Variants in CCDC171 observed in about 807,000 individuals in gnomAD.
The protein encoded by CCDC171 is coiled-coil domain containing 171.
CCDC171 carries 177 observed loss-of-function variants against 168.2 expected under a neutral mutation model. The observed-to-expected ratio is 1.05, with a 90% confidence interval of 0.93 to 1.19. CCDC171 has a LOEUF of 1.19. Among genes scored for constraint, CCDC171 ranks in the 50% most tolerant of loss-of-function variants. The pLI is 0.00. For synonymous variants in CCDC171, 687 were observed against 540.8 expected, an observed-to-expected ratio of 1.27 and a Z score of -3.75; for missense variants, 1,991 against 1,539.0, an observed-to-expected ratio of 1.29 and a Z score of -4.91.
intron 11 of CCDC171, among the ~76,000 whole-genome samples, chr9:15,713,331 A>G (rs1380358408): frequency 1.4e-5 from 2 of 142,400 alleles, no homozygotes; most frequent in Non-Finnish European, 3.1e-5. Context: ...TTTTTTTTCT[A>G]TTTGTGAGCT....
intron 1 of CCDC171, among the ~76,000 whole-genome samples, chr9:16,052,870 T>G (rs1305968361): frequency 1.3e-5 from 2 of 152,028 alleles, no homozygotes; most frequent in Middle Eastern, 6.8e-3. Flanking sequence ...CCCCTTTTCT[T>G]TTCAAACGGA....
At position 15,724,951 on chromosome 9, in the gene CCDC171, C is replaced by T. The variant is rs569441532; in HGVS notation, c.1667C>T (p.Ser556Phe). ...AQSESELQKL[S>F]QAFHKDAEEK... is the part of the protein sequence containing the mutation. The stretch of plus-strand genomic sequence containing the variant: ...TCTGAAAGTGAACTGCAGAAGCTTT[C>T]CCAGGCTTTCCATAAGGATGCAGAG... The change falls in exon 14 of 26, where the codon TCC (serine) becomes TTC (phenylalanine). Residue 556 changes from serine (S) to phenylalanine (F), a missense_variant. By Grantham distance (155) the Ser-to-Phe change is radical. Transcript: ENST00000380701. 67 of 1,613,856 alleles carry T rather than the reference C, an allele frequency of 4.2e-5. No individual in the cohort carries two copies. In the East Asian group the frequency reaches 1.2e-3, roughly 30 times the overall value.
downstream of CCDC171, among the ~76,000 whole-genome samples, chr9:16,063,460 C>T (rs937997924): frequency 3.9e-5 from 6 of 152,130 alleles, no homozygotes; most frequent in Non-Finnish European, 7.4e-5. Flanking sequence ...AGGAATTATG[C>T]AATTCACTGT....
intron 18 of CCDC171, among the ~76,000 whole-genome samples, chr9:15,766,810 C>T (rs1457682673): frequency 1.3e-5 from 2 of 152,036 alleles, no homozygotes; most frequent in African/African-American, 4.8e-5. Context: ...TGTGTGCTAC[C>T]ACACTCAGCT....
In CCDC171 at chr9:15,821,503, ATCAATG is replaced by A. The variant is rs1313510496; in HGVS notation, c.3268-25197_3268-25192del. ...CTTCAGCAAAGTCTCAGGATACAAA[ATCAATG>A]TGCAAAAGTCACAAGCATTCTTATA... On this transcript the variant is annotated intron_variant, in intron 21 of 25. Coordinates refer to ENST00000380701, the MANE Select transcript of CCDC171 (RefSeq NM_173550.4). 2.5e-5 allele frequency among the ~76,000 whole-genome samples: 3 copies of A among 117,878 alleles called. 1 individual carries two copies. Among genetic ancestry groups the A allele is most frequent in the Admixed American group, 8.0e-5 (1 of 12,456 alleles). The allele number at this position is 117,878 out of a possible 152,430, so 77.3% of individuals were successfully genotyped here.
the CCDC171 span, among the ~76,000 whole-genome samples, chr9:16,083,190 T>A: frequency 6.6e-6 from 1 of 152,196 alleles, no homozygotes; most frequent in African/African-American, 2.4e-5. Context: ...ATGTTGAGAA[T>A]GTTCCTATTT....
At chr9:15,867,655 G>A (rs1427008422) in intron 23 of CCDC171, among the ~76,000 whole-genome samples, 1 of 152,042 alleles carries the variant, frequency 6.6e-6, no homozygotes, top group Non-Finnish European at 1.5e-5. Context: ...CAGCTCAAGA[G>A]GGATTTTAAA....
intron 21 of CCDC171, 138 bp from the exon 22 acceptor site, chr9:15,846,564 A>G (rs2130741653): frequency 1.3e-6 from 1 of 754,852 alleles, no homozygotes; most frequent in East Asian, 2.7e-5. Flanking sequence ...TTTGCAGAAA[A>G]TTTGTTAAAC....
intron 6 of CCDC171, among the ~76,000 whole-genome samples, chr9:15,610,054 G>A (rs1188429635): frequency 6.6e-6 from 1 of 150,990 alleles, no homozygotes; most frequent in East Asian, 2.0e-4. Flanking sequence ...TCATCTTTTG[G>A]GTTTTTAATT....
intron 3 of CCDC171, among the ~76,000 whole-genome samples, chr9:15,991,371 T>C (rs553810112): frequency 6.6e-6 from 1 of 150,906 alleles, no homozygotes; most frequent in South Asian, 2.1e-4. Context: ...AAGATGTTCT[T>C]TGAAACCGAT....
the CCDC171 span, among the ~76,000 whole-genome samples, chr9:16,071,774 T>G: frequency 6.6e-6 from 1 of 152,316 alleles, no homozygotes; most frequent in Non-Finnish European, 1.5e-5. Context: ...ATTTCTCTTC[T>G]GTATGTTGTT....
intron 3 of CCDC171, among the ~76,000 whole-genome samples, chr9:16,007,708 T>C (rs970594134): frequency 2.6e-5 from 4 of 152,234 alleles, no homozygotes; most frequent in Admixed American, 2.6e-4. Context: ...CCATTGCTTG[T>C]TTTTGTCAGG....
intron 3 of CCDC171, among the ~76,000 whole-genome samples, chr9:15,991,916 C>T (rs909593241): frequency 6.6e-6 from 1 of 152,128 alleles, no homozygotes; most frequent in Admixed American, 6.5e-5. Flanking sequence ...ATAACAGGCT[C>T]TGAAATTGAG....
At chr9:15,706,714 A>G (rs1000592400) in intron 11 of CCDC171, among the ~76,000 whole-genome samples, 5 of 152,162 alleles carry the variant, frequency 3.3e-5, no homozygotes, top group Non-Finnish European at 1.5e-5. Flanking sequence ...CTTGTGGCTC[A>G]GTCTTGAATT....
rs1564093542 is a variant in CCDC171, at chr9:15,973,088, G to GT, written c.*1254dup. ...TGATTAAACTCTTTAACCCTTAAAG[G>GT]TTAAATCCTTGCAGTTTGCATCATG... On this transcript the variant is annotated 3_prime_UTR_variant, in exon 26 of 26. Transcript: ENST00000380701. 1 of 152,126 alleles carries GT rather than the reference G, an allele frequency of 6.6e-6. No individual in the cohort carries two copies. The highest frequency in any genetic ancestry group is 2.4e-5 in the African/African-American group (1 of 41,432). The allele number at this position is 152,126 out of a possible 1,614,324, so 9.4% of individuals were successfully genotyped here.
At chr9:15,658,245 C>T (rs541689336) in intron 8 of CCDC171, among the ~76,000 whole-genome samples, 22 of 152,246 alleles carry the variant, frequency 1.4e-4, no homozygotes, top group African/African-American at 5.1e-4. Context: ...AGTCCTTTTT[C>T]GTGCTAAGAA....
intron 25 of CCDC171, among the ~76,000 whole-genome samples, chr9:15,929,655 A>G (rs1006331917): frequency 1.3e-5 from 2 of 151,666 alleles, no homozygotes; most frequent in Non-Finnish European, 2.9e-5. Flanking sequence ...TCACATGACC[A>G]TTTCCCTGGG....
At chr9:16,041,022 C>T (rs767636706), upstream of CCDC171, among the ~76,000 whole-genome samples, 6 of 151,320 alleles carry the variant, frequency 4.0e-5, no homozygotes, top group South Asian at 4.1e-4. Context: ...TGAGCAGCTA[C>T]TGTGTGTGTA....
At chr9:15,784,147 C>G (rs1266372451) in intron 20 of CCDC171, among the ~76,000 whole-genome samples, 1 of 152,114 alleles carries the variant, frequency 6.6e-6, no homozygotes, top group Admixed American at 6.6e-5. Context: ...ACACAAACTT[C>G]TAGGTGATCA....
Sources: gnomAD v4.1 joint callset for allele counts (sites outside exome capture counted in the v4.1 genomes callset) on GRCh38, gnomAD v4.1.1 for gene constraint, MANE v1.5 for transcripts, NCBI Gene and HGNC (gene_info 2026-07-23, HGNC 2026-07-21) for gene names.